GIPC2: variants seen among roughly 807,000 people sequenced by gnomAD.
GIPC2 encodes the protein GIPC PDZ domain containing family member 2, also known as PDZ domain-containing protein GIPC2.
Under a neutral mutation model 30.6 loss-of-function variants are expected in GIPC2, and 30 were observed. The observed-to-expected ratio is 0.98, with a 90% confidence interval of 0.73 to 1.33. The LOEUF is 1.33. Ranked by LOEUF, GIPC2 falls within the 40% of genes most tolerant of loss-of-function variation. GIPC2 has a pLI of 0.00. For synonymous variants in GIPC2, 167 were observed against 150.0 expected, an observed-to-expected ratio of 1.11 and a Z score of -0.83; for missense variants, 414 against 390.3, an observed-to-expected ratio of 1.06 and a Z score of -0.51.
chr1:78,055,524 C>T (rs1412511090), intron 1 of GIPC2, among the ~76,000 whole-genome samples: 1 of 152,114 alleles, frequency 6.6e-6, no homozygotes, highest in African/African-American at 2.4e-5. Flanking sequence ...CTTAACCTTC[C>T]ATCTCAGCCT....
At chr1:78,123,128 T>C (rs1189873047) in intron 4 of GIPC2, among the ~76,000 whole-genome samples, 3 of 151,838 alleles carry the variant, frequency 2.0e-5, no homozygotes, top group Non-Finnish European at 4.4e-5. Context: ...GGCATGGTGC[T>C]GGGCACCTGT....
chr1:78,068,546 C>T (rs1021852845), intron 1 of GIPC2, among the ~76,000 whole-genome samples: 2 of 152,150 alleles, frequency 1.3e-5, no homozygotes, highest in Non-Finnish European at 2.9e-5. Context: ...ATTGATATTT[C>T]AAACCAACCC....
At chr1:78,051,199 GAA>G (rs909598987) in intron 1 of GIPC2, among the ~76,000 whole-genome samples, 2 of 148,928 alleles carry the variant, frequency 1.3e-5, no homozygotes, top group Admixed American at 6.7e-5. Context: ...AAAAAAAAAA[GAA>G]ATGATGTCAT....
chr1:78,135,871 T>A lies in GIPC2; in HGVS notation c.*128T>A. 1.0e-5 allele frequency: 7 copies of A among 683,778 alleles called. No homozygotes were observed. The highest frequency in any genetic ancestry group is 1.9e-5 in the African/African-American group (1 of 53,324). The allele number at this position is 683,778 out of a possible 1,614,324, so 42.4% of individuals were successfully genotyped here. ...TTAATTTCATGTGTATGGAATATAT[T>A]CTTTGAAATATAATTTTGGTAATTT... On this transcript the variant is annotated 3_prime_UTR_variant, in exon 6 of 6. Coordinates refer to ENST00000370759, the MANE Select transcript of GIPC2 (RefSeq NM_017655.6).
intron 1 of GIPC2, among the ~76,000 whole-genome samples, chr1:78,067,869 G>A (rs1661549532): frequency 6.6e-6 from 1 of 152,140 alleles, no homozygotes; most frequent in Admixed American, 6.6e-5. Context: ...ATGGTCCTCA[G>A]TCTAAACTAC....
chr1:78,125,640 T>C (rs940765364), intron 4 of GIPC2, among the ~76,000 whole-genome samples: 1 of 152,240 alleles, frequency 6.6e-6, no homozygotes, highest in Admixed American at 6.5e-5. Context: ...GTTAGCTACT[T>C]GGGGATTGTG....
At chr1:78,105,131 A>G (rs528399902) in intron 3 of GIPC2, among the ~76,000 whole-genome samples, 32 of 152,138 alleles carry the variant, frequency 2.1e-4, no homozygotes, top group African/African-American at 6.0e-4. Flanking sequence ...GATCCTTTCT[A>G]CTCTAGTTGT....
At chr1:78,112,997 G>A (rs917452046) in intron 3 of GIPC2, among the ~76,000 whole-genome samples, 2 of 152,084 alleles carry the variant, frequency 1.3e-5, no homozygotes, top group Non-Finnish European at 2.9e-5. Context: ...ACCGGCACTC[G>A]TACTCCCGAC....
At chr1:78,120,861 G>A (rs755826764) in intron 4 of GIPC2, among the ~76,000 whole-genome samples, 8 of 152,138 alleles carry the variant, frequency 5.3e-5, no homozygotes, top group Non-Finnish European at 1.2e-4. Flanking sequence ...TTCAAGATGA[G>A]ATTTGGGTGG....
chr1:78,109,612 A>G (rs752390569), intron 3 of GIPC2, among the ~76,000 whole-genome samples: 5 of 152,190 alleles, frequency 3.3e-5, no homozygotes, highest in African/African-American at 1.2e-4. Flanking sequence ...AAAAACATGT[A>G]GATAATTTTA....
Position 78,125,937 on chromosome 1 carries a change from C to G in GIPC2, c.771C>G (p.Tyr257Ter). The G allele has an allele frequency of 6.4e-7, 1 of 1,565,598 alleles. No individual in the cohort carries two copies. Among genetic ancestry groups the G allele is most frequent in the South Asian group, 1.1e-5 (1 of 90,096 alleles). The change falls in exon 5 of 6, where the codon TAC (tyrosine) becomes TAG (stop). Residue 257 changes from tyrosine to a stop codon, truncating the protein, a stop_gained. Coordinates refer to ENST00000370759, the MANE Select transcript of GIPC2 (RefSeq NM_017655.6). LOFTEE classifies it high-confidence loss of function. ...IEKIDDVLEL[Y>*]MGIRDIDLAT... ...AGATTGATGATGTTCTTGAGTTGTA[C>G]ATGGGAATTCGAGATATTGATTTAG...
At chr1:78,094,163 A>G (rs2100375125) in intron 2 of GIPC2, among the ~76,000 whole-genome samples, 1 of 152,354 alleles carries the variant, frequency 6.6e-6, no homozygotes, top group Admixed American at 6.5e-5. Flanking sequence ...CTTAGCTAAG[A>G]TGGTATTATT....
intron 2 of GIPC2, among the ~76,000 whole-genome samples, chr1:78,090,330 G>C (rs1355503295): frequency 1.3e-5 from 2 of 152,054 alleles, no homozygotes; most frequent in Non-Finnish European, 2.9e-5. Context: ...GAGTAGCTGG[G>C]GTTATAGGAA....
In GIPC2 at chr1:78,100,065, G is replaced by A. The variant is rs1055992254; in HGVS notation, c.607+4933G>A. Among the ~76,000 whole-genome samples the A allele has an allele frequency of 5.3e-5, 8 of 152,280 alleles. No homozygotes were observed. In the South Asian group the frequency reaches 6.2e-4, roughly 12 times the overall value. On this transcript the variant is annotated intron_variant, in intron 3 of 5. Transcript: ENST00000370759. The stretch of plus-strand genomic sequence containing the variant: ...GTCTTTAATTTTACAAAGATATTTT[G>A]GAGACTGTTAGATAAAGGGATATAA...
At chr1:78,055,569 T>C (rs1661273506) in intron 1 of GIPC2, among the ~76,000 whole-genome samples, 1 of 152,176 alleles carries the variant, frequency 6.6e-6, no homozygotes, top group African/African-American at 2.4e-5. Flanking sequence ...TTTGACTGAT[T>C]CTTTCTTCTC....
rs1350579704 is a variant in GIPC2 at position 78,113,682 on chromosome 1, C to T, written c.608-5711C>T. Among the ~76,000 whole-genome samples the T allele has an allele frequency of 2.6e-5, 4 of 152,176 alleles. No homozygotes were observed. The South Asian group carries it at 6.2e-4, about 24-fold the overall frequency. ...GGGATTAGAGGCGTGAGCCATGGCA[C>T]CCAGCCTAAAATTTCTAATAGAGAC... On this transcript the variant is annotated intron_variant, in intron 3 of 5. Transcript: ENST00000370759.
chr1:78,065,062 CT>C (rs1432740705), intron 1 of GIPC2, among the ~76,000 whole-genome samples: 1 of 151,962 alleles, frequency 6.6e-6, no homozygotes, highest in African/African-American at 2.4e-5. Context: ...AAACTTTGAA[CT>C]CCTAAACTCA....
At chr1:78,045,368 G>A (rs1460633971), upstream of GIPC2, among the ~76,000 whole-genome samples, 1 of 152,174 alleles carries the variant, frequency 6.6e-6, no homozygotes, top group Non-Finnish European at 1.5e-5. Context: ...ACTTCACACC[G>A]AATGGCCTCA....
intron 3 of GIPC2, among the ~76,000 whole-genome samples, chr1:78,106,159 T>C (rs973397253): frequency 7.0e-6 from 1 of 143,090 alleles, no homozygotes; most frequent in South Asian, 2.2e-4. Context: ...CGCTTGAACC[T>C]GGGAGGCGGA....
Sources: allele counts gnomAD v4.1 joint callset (sites outside exome capture counted in the v4.1 genomes callset), GRCh38; gene constraint gnomAD v4.1.1; transcripts MANE v1.5; gene names NCBI Gene and HGNC (gene_info 2026-07-23, HGNC 2026-07-21).